Variants in KCNQ5 observed in about 807,000 individuals in gnomAD.
KCNQ5 encodes the protein potassium voltage-gated channel subfamily KQT member 5.
In KCNQ5, 30 loss-of-function variants were observed where a neutral mutation model predicts 98.2. The ratio of observed to expected loss-of-function variants is 0.31; its 90% CI spans 0.23 to 0.41. The LOEUF (loss-of-function observed/expected upper bound fraction) is 0.41, where lower values mean the gene tolerates loss of function less well. KCNQ5 is among the 10% of genes least tolerant of loss of function. KCNQ5 has a pLI of 1.00. For missense variants in KCNQ5, 835 were observed against 1,182.5 expected (o/e 0.71, Z 4.31); for synonymous variants, 458 against 449.4 (o/e 1.02, Z -0.24).
At chr6:72,935,416 G>A (rs1765872676) in intron 1 of KCNQ5, among the ~76,000 whole-genome samples, 1 of 151,986 alleles carries the variant, frequency 6.6e-6, no homozygotes, top group Non-Finnish European at 1.5e-5. Flanking sequence ...TAAACATTGG[G>A]AAAATCACAT....
At chr6:72,974,726 T>G (rs571027277) in intron 1 of KCNQ5, among the ~76,000 whole-genome samples, 1 of 152,040 alleles carries the variant, frequency 6.6e-6, no homozygotes, top group Non-Finnish European at 1.5e-5. Context: ...AAACTATCTA[T>G]GCTAATAACA....
intron 1 of KCNQ5, among the ~76,000 whole-genome samples, chr6:72,974,520 T>C (rs1562103515): frequency 2.0e-5 from 3 of 152,112 alleles, no homozygotes; most frequent in South Asian, 2.1e-4. Flanking sequence ...TCAGAAACCA[T>C]TTCTGACTCT....
At chr6:73,106,343 G>A (rs1775000157) in intron 6 of KCNQ5, among the ~76,000 whole-genome samples, 1 of 152,150 alleles carries the variant, frequency 6.6e-6, no homozygotes, top group African/African-American at 2.4e-5. Flanking sequence ...TTGGGTACTA[G>A]ACCTCAGTTT....
chr6:73,167,883 G>T (rs1244529173), intron 10 of KCNQ5, among the ~76,000 whole-genome samples: 1 of 152,084 alleles, frequency 6.6e-6, no homozygotes, highest in African/African-American at 2.4e-5. Flanking sequence ...ATTCATGAGG[G>T]CTCCACCCTC....
At chr6:72,791,554 G>A (rs1403147793) in intron 1 of KCNQ5, among the ~76,000 whole-genome samples, 1 of 152,136 alleles carries the variant, frequency 6.6e-6, no homozygotes, top group African/African-American at 2.4e-5. Flanking sequence ...TGCCTGGTTG[G>A]TGGATTACTT....
chr6:73,043,739 G>T (rs932387633), intron 3 of KCNQ5, among the ~76,000 whole-genome samples: 2 of 152,142 alleles, frequency 1.3e-5, no homozygotes, highest in Non-Finnish European at 2.9e-5. Flanking sequence ...ATTAAAAATT[G>T]GTTTTGTTCC....
intron 1 of KCNQ5, among the ~76,000 whole-genome samples, chr6:72,647,440 AAAAAC>A (rs1180492658): frequency 6.6e-6 from 1 of 152,126 alleles, no homozygotes; most frequent in Non-Finnish European, 1.5e-5. Flanking sequence ...ACAACCCAGA[AAAAAC>A]AAAACAAAAC....
chr6:72,980,959 C>T lies in KCNQ5; in HGVS notation c.399-22949C>T, dbSNP rs182537749. 8.5e-3 allele frequency among the ~76,000 whole-genome samples: 1,290 copies of T among 151,906 alleles called. 11 individuals carry two copies. Among genetic ancestry groups the T allele is most frequent in the African/African-American group, 0.03 (1,229 of 41,408 alleles). ...TTGATTCTGTTTATGTGATGGATTA[C>T]ATTTATTGATTTGCATATGTTGAAC... On this transcript the variant is annotated intron_variant, in intron 1 of 13. Transcript: ENST00000370398.
intron 6 of KCNQ5, among the ~76,000 whole-genome samples, chr6:73,109,516 G>A (rs1027216570): frequency 6.6e-6 from 1 of 152,122 alleles, no homozygotes; most frequent in African/African-American, 2.4e-5. Context: ...ATGAAAAGTA[G>A]TATTAAAGGG....
chr6:73,194,387 T>G, intron 13 of KCNQ5, 65 bp from the exon 14 acceptor site: 3 of 1,465,022 alleles, frequency 2.0e-6, no homozygotes, highest in Non-Finnish European at 2.8e-6. Flanking sequence ...TTTTCAAAAT[T>G]AAAAAATGAA....
At chr6:72,957,852 G>C (rs141556614) in intron 1 of KCNQ5, among the ~76,000 whole-genome samples, 1 of 152,072 alleles carries the variant, frequency 6.6e-6, no homozygotes, top group African/African-American at 2.4e-5. Flanking sequence ...CCCAGGAAAA[G>C]ATTTCATTCT....
intron 12 of KCNQ5, 99 bp from the exon 13 acceptor site, chr6:73,192,466 G>C: frequency 9.7e-7 from 1 of 1,031,274 alleles, no homozygotes; most frequent in Non-Finnish European, 1.3e-6. Flanking sequence ...ATAAATTGAA[G>C]ATAACTGTAT....
chr6:72,770,209 G>T (rs1009603315), intron 1 of KCNQ5, among the ~76,000 whole-genome samples: 8 of 152,090 alleles, frequency 5.3e-5, no homozygotes, highest in African/African-American at 1.7e-4. Flanking sequence ...AAATTATTTT[G>T]TTGTCAATAA....
At chr6:73,179,731 A>C (rs1582496072) in intron 11 of KCNQ5, among the ~76,000 whole-genome samples, 1 of 152,312 alleles carries the variant, frequency 6.6e-6, no homozygotes, top group South Asian at 2.1e-4. Flanking sequence ...GAGGGTGCAG[A>C]GTAGGTAAAG....
intron 1 of KCNQ5, among the ~76,000 whole-genome samples, chr6:72,862,577 G>A: frequency 6.6e-6 from 1 of 152,062 alleles, no homozygotes; most frequent in Non-Finnish European, 1.5e-5. Context: ...TTTGTCCAGT[G>A]AGTCCATTAG....
intron 3 of KCNQ5, among the ~76,000 whole-genome samples, chr6:73,065,909 G>A (rs1328123405): frequency 2.6e-5 from 4 of 152,220 alleles, no homozygotes; most frequent in Non-Finnish European, 4.4e-5. Flanking sequence ...CACTTTGGGA[G>A]GCCAAGGTGG....
At chr6:72,733,252 C>A (rs1052829496) in intron 1 of KCNQ5, among the ~76,000 whole-genome samples, 5 of 151,952 alleles carry the variant, frequency 3.3e-5, no homozygotes, top group African/African-American at 1.2e-4. Context: ...ATAAAGGAGA[C>A]AGAGAAGGAA....
intron 10 of KCNQ5, among the ~76,000 whole-genome samples, chr6:73,161,869 A>C (rs1777626303): frequency 6.6e-6 from 1 of 152,082 alleles, no homozygotes; most frequent in African/African-American, 2.4e-5. Context: ...AGCAATTAGC[A>C]GTTTTTCAAA....
chr6:73,163,588 A>G (rs1777691509), intron 10 of KCNQ5, among the ~76,000 whole-genome samples: 1 of 152,166 alleles, frequency 6.6e-6, no homozygotes, highest in South Asian at 2.1e-4. Flanking sequence ...CTCTACTAAA[A>G]ATACAAAAAA....
Sources: allele counts gnomAD v4.1 joint callset (sites outside exome capture counted in the v4.1 genomes callset), GRCh38; gene constraint gnomAD v4.1.1; transcripts MANE v1.5; gene names NCBI Gene and HGNC (gene_info 2026-07-23, HGNC 2026-07-21).